Variants in MYO5A observed in about 807,000 individuals in gnomAD.
The protein encoded by MYO5A is unconventional myosin-Va.
Under a neutral mutation model 249.7 loss-of-function variants are expected in MYO5A, and 98 were observed. The observed-to-expected ratio is 0.39, with a 90% confidence interval of 0.33 to 0.46. The LOEUF is 0.46. Ranked by LOEUF, MYO5A falls within the 20% of genes least tolerant of loss-of-function variation. The pLI is 0.98. For missense variants in MYO5A, 1,696 were observed against 2,308.8 expected, an observed-to-expected ratio of 0.73 and a Z score of 5.44; for synonymous variants, 778 against 810.6, an observed-to-expected ratio of 0.96 and a Z score of 0.68.
At chr15:52,404,586 G>A (rs1326477124) in intron 9 of MYO5A, among the ~76,000 whole-genome samples, 1 of 152,180 alleles carries the variant, frequency 6.6e-6, no homozygotes, top group Non-Finnish European at 1.5e-5. Context: ...AGGCAAGCAG[G>A]AGAGACCTTT....
chr15:52,343,017 A>T, intron 31 of MYO5A, 100 bp downstream of exon 31: 1 of 940,754 alleles, frequency 1.1e-6, no homozygotes. Flanking sequence ...CCAAGAAGAC[A>T]ATCAATGCAC....
At chr15:52,324,314 G>T (rs2038489586) in intron 36 of MYO5A, among the ~76,000 whole-genome samples, 1 of 152,130 alleles carries the variant, frequency 6.6e-6, no homozygotes, top group Non-Finnish European at 1.5e-5. Flanking sequence ...CACCGTGGCA[G>T]GAAGAAGAGA....
chr15:52,524,864 T>C (rs533518904), intron 1 of MYO5A, among the ~76,000 whole-genome samples: 34 of 111,176 alleles, frequency 3.1e-4, no homozygotes, highest in Admixed American at 2.7e-3. Context: ...TGAGACCCTG[T>C]CTCAAAAAAA....
At chr15:52,329,988 CTTTTTT>C (rs569269632) in intron 35 of MYO5A, among the ~76,000 whole-genome samples, 1 of 100,276 alleles carries the variant, frequency 1.0e-5, no homozygotes, top group African/African-American at 5.1e-5. Context: ...TTTTCTTTTT[CTTTTTT>C]TTTTTTTTAA....
intron 1 of MYO5A, among the ~76,000 whole-genome samples, chr15:52,457,948 T>C (rs182770407): frequency 6.6e-6 from 1 of 152,336 alleles, no homozygotes; most frequent in Non-Finnish European, 1.5e-5. Context: ...ATCTTGTCGT[T>C]GCAGCAGCAT....
intron 11 of MYO5A, among the ~76,000 whole-genome samples, chr15:52,395,794 T>C (rs2042463547): frequency 6.6e-6 from 1 of 152,056 alleles, no homozygotes; most frequent in Non-Finnish European, 1.5e-5. Flanking sequence ...CATCTCTGAA[T>C]CTCCCAAAAC....
intron 1 of MYO5A, among the ~76,000 whole-genome samples, chr15:52,444,869 T>C (rs567360573): frequency 2.0e-5 from 3 of 152,280 alleles, no homozygotes; most frequent in East Asian, 3.9e-4. Flanking sequence ...TGTCTTAACA[T>C]GGTAAGATTT....
chr15:52,490,795 C>T (rs1036384880), intron 1 of MYO5A, among the ~76,000 whole-genome samples: 11 of 152,086 alleles, frequency 7.2e-5, no homozygotes, highest in African/African-American at 2.4e-4. Flanking sequence ...GATCACAGCT[C>T]ACTGCAACCT....
At chr15:52,403,108 TA>T (rs1351879181) in intron 9 of MYO5A, among the ~76,000 whole-genome samples, 1 of 152,180 alleles carries the variant, frequency 6.6e-6, no homozygotes, top group East Asian at 1.9e-4. Context: ...ACTCAAATTT[TA>T]GGTAAGACTC....
intron 1 of MYO5A, among the ~76,000 whole-genome samples, chr15:52,475,526 G>A (rs113038371): frequency 1.3e-5 from 2 of 152,286 alleles, no homozygotes; most frequent in African/African-American, 4.8e-5. Context: ...TGGGCATTTA[G>A]TGCTATAAAT....
chr15:52,404,057 C>CGA (rs569658765), intron 9 of MYO5A, among the ~76,000 whole-genome samples: 119 of 152,126 alleles, frequency 7.8e-4, no homozygotes, highest in African/African-American at 2.8e-3. Context: ...TCTGAGGTCA[C>CGA]GAGTTCAAGA....
At chr15:52,461,628 C>T (rs2076249935) in intron 1 of MYO5A, among the ~76,000 whole-genome samples, 1 of 152,096 alleles carries the variant, frequency 6.6e-6, no homozygotes, top group Admixed American at 6.5e-5. Context: ...TATTCCTCTC[C>T]CCATAGCTTA....
intron 36 of MYO5A, among the ~76,000 whole-genome samples, chr15:52,324,127 T>C (rs1042561385): frequency 7.1e-6 from 1 of 141,366 alleles, no homozygotes; most frequent in Non-Finnish European, 1.5e-5. Context: ...GAATAACAAA[T>C]ATTGTGATAA....
chr15:52,482,448 C>T (rs1333516366), intron 1 of MYO5A, among the ~76,000 whole-genome samples: 1 of 152,182 alleles, frequency 6.6e-6, no homozygotes, highest in Non-Finnish European at 1.5e-5. Flanking sequence ...ACTCTAACAA[C>T]TCCATGTTGA....
chr15:52,329,259 T>C (rs2038754980), intron 35 of MYO5A, among the ~76,000 whole-genome samples: 2 of 152,238 alleles, frequency 1.3e-5, no homozygotes, highest in Admixed American at 1.3e-4. Context: ...GAAATTCATG[T>C]TGAAACTTAA....
At chr15:52,378,417 G>T (rs1421323796) in intron 18 of MYO5A, among the ~76,000 whole-genome samples, 1 of 149,462 alleles carries the variant, frequency 6.7e-6, no homozygotes, top group African/African-American at 2.4e-5. Flanking sequence ...GCTACTGGGG[G>T]GGCTGAGGTA....
chr15:52,410,225 C>T (rs2043189269), intron 6 of MYO5A, 108 bp downstream of exon 6: 6 of 1,321,018 alleles, frequency 4.5e-6, no homozygotes, highest in Non-Finnish European at 6.5e-6. Context: ...GTAATATTGT[C>T]ATAATATGCT....
intron 1 of MYO5A, among the ~76,000 whole-genome samples, chr15:52,470,228 C>G (rs990316888): frequency 6.6e-6 from 1 of 152,152 alleles, no homozygotes; most frequent in Non-Finnish European, 1.5e-5. Context: ...GTTCTTATGA[C>G]CCCCTGATCT....
rs551581299 is a variant in MYO5A, at chr15:52,501,462, G to A, written c.27+27318C>T. ...AAAAAAATACAAAAATTAGCTGGGC[G>A]TGGTGGTGTGTCTGTAGTTCCAGCT... On this transcript the variant is annotated intron_variant, in intron 1 of 41. Coordinates refer to ENST00000399233, the MANE Select transcript of MYO5A (RefSeq NM_001382347.1). Among the ~76,000 whole-genome samples, 6 of 152,140 alleles carry A rather than the reference G, an allele frequency of 3.9e-5. No homozygotes were observed. The South Asian group carries it at 6.2e-4, about 16-fold the overall frequency.
Sources: gnomAD v4.1 joint callset for allele counts (sites outside exome capture counted in the v4.1 genomes callset) on GRCh38, gnomAD v4.1.1 for gene constraint, MANE v1.5 for transcripts, NCBI Gene and HGNC (gene_info 2026-07-23, HGNC 2026-07-21) for gene names.